The following KANSL1 variants were observed in gnomAD, a reference collection of about 807,000 sequenced individuals.
KANSL1 encodes the protein KAT8 regulatory NSL complex subunit 1.
KANSL1 carries 22 observed loss-of-function variants against 103.6 expected under a neutral mutation model. The ratio of observed to expected loss-of-function variants is 0.21; its 90% CI spans 0.15 to 0.30. KANSL1 has a LOEUF of 0.30. Ranked by LOEUF, KANSL1 falls within the 10% of genes least tolerant of loss-of-function variation. The probability of loss-of-function intolerance (pLI) is 1.00; values close to 1 mark genes in which losing one functional copy is unlikely to be tolerated. For synonymous variants in KANSL1, 600 were observed against 527.6 expected, an observed-to-expected ratio of 1.14 and a Z score of -1.88; for missense variants, 1,337 against 1,399.8, an observed-to-expected ratio of 0.96 and a Z score of 0.72.
chr17:46,038,574 G>A lies in KANSL1; in HGVS notation c.2505C>T (p.Pro835=), dbSNP rs1037817208. ...QLSTSSDSPA[P]ASSSSQVTAS... is the part of the protein sequence containing the mutation. ...CTGTAACCTGTGAGCTAGAGCTGGC[G>A]GGTGCAGGGGAATCTGAGGAGGTGG... Residue 835 remains proline (P), a synonymous_variant, in exon 10 of 15, where the codon CCC becomes CCT. Transcript: ENST00000432791. 1.5e-5 allele frequency: 25 copies of A among 1,614,016 alleles called. No homozygotes were observed. The East Asian group carries it at 2.7e-4, about 17-fold the overall frequency.
chr17:46,126,747 G>C (rs1446925525), intron 2 of KANSL1, among the ~76,000 whole-genome samples: 1 of 152,058 alleles, frequency 6.6e-6, no homozygotes. Flanking sequence ...ATGTCACTGT[G>C]ACAAATGTTA....
chr17:46,171,188 T>C lies in KANSL1; in HGVS notation c.956A>G (p.His319Arg). The change falls in exon 2 of 15, where the codon CAT (histidine) becomes CGT (arginine). Residue 319 changes from histidine to arginine, a missense_variant. His to Arg is a conservative substitution (Grantham distance 29). Transcript: ENST00000432791. ...CTTCTCCAAAAATCCACCCAGCTGA[T>C]GTTGTATATGCCTCTCAACCTGCTT... is the stretch of plus-strand genomic sequence containing the variant. ...QAKQVERHIQ[H>R]QLGGFLEKTL... 1 of 1,614,174 alleles carries C rather than the reference T, an allele frequency of 6.2e-7. No homozygotes were observed. The highest frequency in any genetic ancestry group is 8.5e-7 in the Non-Finnish European group (1 of 1,180,052).
At chr17:46,089,565 CAA>C (rs370478201) in intron 3 of KANSL1, among the ~76,000 whole-genome samples, 3 of 126,690 alleles carry the variant, frequency 2.4e-5, no homozygotes, top group African/African-American at 3.1e-5. Context: ...AGGTTCATCT[CAA>C]AAAAAAAAAA....
intron 1 of KANSL1, among the ~76,000 whole-genome samples, chr17:46,178,231 GA>G (rs1056521578): frequency 2.0e-5 from 3 of 147,322 alleles, no homozygotes; most frequent in Non-Finnish European, 4.5e-5. Flanking sequence ...AGGGCTAAAG[GA>G]AAAAAAAACG....
chr17:46,117,433 T>C (rs1463309082), intron 2 of KANSL1, among the ~76,000 whole-genome samples: 2 of 152,266 alleles, frequency 1.3e-5, no homozygotes, highest in Admixed American at 6.5e-5. Flanking sequence ...TATTCACTGA[T>C]GTATCCACAC....
chr17:46,196,585 A>C, upstream of KANSL1: 1 of 367,156 alleles, frequency 2.7e-6, no homozygotes, highest in South Asian at 2.0e-5. Flanking sequence ...GCATTAAGCC[A>C]CTGTATCAAC....
At chr17:46,193,449 G>T (rs2047466113), upstream of KANSL1, 1 of 152,332 alleles carries the variant, frequency 6.6e-6, no homozygotes. Flanking sequence ...GAGCAAGCGG[G>T]CGAGCGCCGG....
chr17:46,036,398 A>G (rs1440064086), intron 10 of KANSL1, among the ~76,000 whole-genome samples: 3 of 151,332 alleles, frequency 2.0e-5, no homozygotes, highest in African/African-American at 7.2e-5. Flanking sequence ...CATGGGTTCA[A>G]CCAATTGTGG....
At chr17:46,166,746 T>A (rs887086225) in intron 2 of KANSL1, among the ~76,000 whole-genome samples, 1 of 152,136 alleles carries the variant, frequency 6.6e-6, no homozygotes, top group Non-Finnish European at 1.5e-5. Context: ...AGGTACAAGC[T>A]TAGCTCTAAA....
chr17:46,190,246 A>C (rs1022310381), intron 1 of KANSL1, among the ~76,000 whole-genome samples: 3 of 152,220 alleles, frequency 2.0e-5, no homozygotes, highest in African/African-American at 7.2e-5. Flanking sequence ...TCTCACCTTG[A>C]TATGAGTTCA....
intron 1 of KANSL1, among the ~76,000 whole-genome samples, chr17:46,177,912 GA>G (rs1479809369): frequency 6.6e-6 from 1 of 152,150 alleles, no homozygotes; most frequent in Non-Finnish European, 1.5e-5. Flanking sequence ...CCAGTAGCTG[GA>G]ACTACAGGCG....
intron 2 of KANSL1, chr17:46,169,589 C>G (rs2046177480): frequency 6.6e-6 from 1 of 152,254 alleles, no homozygotes; most frequent in Non-Finnish European, 1.5e-5. Context: ...TTTCAGCCTT[C>G]TCTAGTAAGC....
intron 7 of KANSL1, chr17:46,044,206 C>T (rs2077423892): frequency 6.6e-6 from 1 of 152,166 alleles, no homozygotes; most frequent in Non-Finnish European, 1.5e-5. Flanking sequence ...CATAGGTAAA[C>T]TGCTATTTTC....
At chr17:46,173,752 CTTTT>C (rs1216165267) in intron 1 of KANSL1, among the ~76,000 whole-genome samples, 4 of 152,184 alleles carry the variant, frequency 2.6e-5, no homozygotes, top group African/African-American at 4.8e-5. Context: ...CTCAGTTTTT[CTTTT>C]TTTAAGGGAG....
intron 6 of KANSL1, among the ~76,000 whole-genome samples, chr17:46,058,710 A>AACACACACAC (rs749406954): frequency 8.0e-6 from 1 of 124,472 alleles, no homozygotes; most frequent in Non-Finnish European, 1.7e-5. Flanking sequence ...CCAGATTTAA[A>AACACACACAC]ACACACACAC....
chr17:46,036,435 T>C (rs2077150870), intron 10 of KANSL1, among the ~76,000 whole-genome samples: 1 of 152,158 alleles, frequency 6.6e-6, no homozygotes, highest in Non-Finnish European at 1.5e-5. Flanking sequence ...GGAAAAAAAT[T>C]GTGTCTGTAC....
chr17:46,156,010 C>T (rs912866830), intron 2 of KANSL1, among the ~76,000 whole-genome samples: 2 of 152,094 alleles, frequency 1.3e-5, no homozygotes, highest in Admixed American at 6.5e-5. Flanking sequence ...GGGGAAATAC[C>T]TTGTAAATAT....
chr17:46,185,973 AG>A (rs2047012380), intron 1 of KANSL1, among the ~76,000 whole-genome samples: 1 of 145,898 alleles, frequency 6.9e-6, no homozygotes, highest in Non-Finnish European at 1.6e-5. Context: ...CAAAAGACAG[AG>A]GAAAAAAAAA....
At chr17:46,062,243 TTCC>T (rs1239454333) in intron 6 of KANSL1, among the ~76,000 whole-genome samples, 1 of 151,728 alleles carries the variant, frequency 6.6e-6, no homozygotes, top group African/African-American at 2.4e-5. Flanking sequence ...CATTCAAGGC[TTCC>T]TATTTATTTA....
Sources: allele counts gnomAD v4.1 joint callset (sites outside exome capture counted in the v4.1 genomes callset), GRCh38; gene constraint gnomAD v4.1.1; transcripts MANE v1.5; gene names NCBI Gene and HGNC (gene_info 2026-07-23, HGNC 2026-07-21).